Variants in CECR2 observed in about 807,000 individuals in gnomAD.
The protein encoded by CECR2 is CECR2 histone acetyl-lysine reader.
CECR2 carries 30 observed loss-of-function variants against 154.5 expected under a neutral mutation model. The ratio of observed to expected loss-of-function variants is 0.19; its 90% confidence interval spans 0.15 to 0.26. The LOEUF is 0.26. Ranked by LOEUF, CECR2 falls within the 10% of genes least tolerant of loss-of-function variation. The probability of loss-of-function intolerance (pLI) is 1.00; values close to 1 mark genes in which losing one functional copy is unlikely to be tolerated. For missense variants in CECR2, 1,743 were observed against 1,829.3 expected (o/e 0.95, Z 0.86); for synonymous variants, 725 against 683.7 (o/e 1.06, Z -0.94).
At chr22:17,451,862 AAG>A (rs769290754) in intron 1 of CECR2, among the ~76,000 whole-genome samples, 2 of 152,234 alleles carry the variant, frequency 1.3e-5, no homozygotes, top group Non-Finnish European at 2.9e-5. Flanking sequence ...TTCAAAGAAA[AAG>A]AGTAAGATAA....
intron 7 of CECR2, among the ~76,000 whole-genome samples, chr22:17,510,288 T>C (rs2055919873): frequency 6.6e-6 from 1 of 152,084 alleles, no homozygotes; most frequent in Non-Finnish European, 1.5e-5. Context: ...CCTGATAAGT[T>C]TTTACTGTAC....
rs770624477 is a variant in CECR2 at position 17,548,940 on chromosome 22, C to T, written c.3653C>T (p.Pro1218Leu). 2.5e-6 allele frequency: 4 copies of T among 1,613,766 alleles called. No homozygotes were observed. The East Asian group carries it at 8.9e-5, about 36-fold the overall frequency. Residue 1218 changes from proline (P) to leucine (L), a missense_variant, in exon 17 of 19, where the codon CCC becomes CTC. Pro to Leu is a moderately conservative substitution (Grantham distance 98). This residue lies in a region of CECR2 where 1,250 missense variants were observed against 1,192.1 expected (regional missense o/e 1.05). Transcript: ENST00000262608. ...TCTGACTGGCAGAGACCTCTCCATCCCCAGGGAAGCCCAAGCGGACCCCCA... is the reference window on the plus strand; with the variant it reads ...TCTGACTGGCAGAGACCTCTCCATCTCCAGGGAAGCCCAAGCGGACCCCCA... ...SFSDWQRPLH[P>L]QGSPSGPPAS...
chr22:17,519,979 CAG>C (rs2056128433), intron 8 of CECR2, among the ~76,000 whole-genome samples: 1 of 151,830 alleles, frequency 6.6e-6, no homozygotes, highest in Admixed American at 6.6e-5. Flanking sequence ...TTAGTAAAGA[CAG>C]AGTTTCACCA....
intron 1 of CECR2, among the ~76,000 whole-genome samples, chr22:17,430,964 C>G (rs958319331): frequency 6.6e-6 from 1 of 152,186 alleles, no homozygotes; most frequent in African/African-American, 2.4e-5. Flanking sequence ...AGTGCCTCGT[C>G]TGTGAGTGCC....
At chr22:17,383,496 A>T (rs965495991) in intron 1 of CECR2, among the ~76,000 whole-genome samples, 1 of 152,148 alleles carries the variant, frequency 6.6e-6, no homozygotes, top group African/African-American at 2.4e-5. Flanking sequence ...ACCAGGAATA[A>T]TACATTGTGC....
intron 2 of CECR2, among the ~76,000 whole-genome samples, chr22:17,482,917 G>A (rs2055353655): frequency 1.3e-5 from 2 of 152,128 alleles, no homozygotes; most frequent in Admixed American, 6.5e-5. Flanking sequence ...TCCTGACCTC[G>A]TGATCCTCCC....
rs745937699 is a variant in CECR2, at chr22:17,549,602, A to G, written c.4277+38A>G. On this transcript the variant is annotated intron_variant, in intron 17 of 18. Coordinates refer to ENST00000262608, the MANE Select transcript of CECR2 (RefSeq NM_001290047.2). ...TCAGGCTTTTCCCCCTAAAGAGAGA[A>G]CAGATGTTTATTTTATGTATTTATT... 8 of 1,431,852 alleles carry G rather than the reference A, an allele frequency of 5.6e-6. No individual in the cohort carries two copies. The African/African-American group carries it at 7.2e-5, about 13-fold the overall frequency. 88.7% of individuals were successfully genotyped at this position (1,431,852 alleles called of 1,614,324 possible). A position where few individuals can be genotyped will look rare whatever the true frequency, so the allele number is the denominator to read the frequency against.
chr22:17,454,036 A>T (rs1052911856), intron 1 of CECR2, among the ~76,000 whole-genome samples: 1 of 152,228 alleles, frequency 6.6e-6, no homozygotes, highest in African/African-American at 2.4e-5. Context: ...CCAGCACTGT[A>T]CACTCAGAAG....
intron 1 of CECR2, among the ~76,000 whole-genome samples, chr22:17,466,389 C>G (rs1345419360): frequency 2.0e-5 from 3 of 152,162 alleles, no homozygotes; most frequent in African/African-American, 7.2e-5. Context: ...TTAGAAGAAA[C>G]TTTCTAAGCA....
intron 1 of CECR2, among the ~76,000 whole-genome samples, chr22:17,405,717 G>T (rs1601299840): frequency 1.3e-5 from 2 of 148,178 alleles, no homozygotes; most frequent in South Asian, 4.3e-4. Flanking sequence ...TATTACTCTT[G>T]TATCTGTAAC....
chr22:17,498,664 T>G (rs1472476715), intron 3 of CECR2, among the ~76,000 whole-genome samples: 1 of 151,972 alleles, frequency 6.6e-6, no homozygotes, highest in African/African-American at 2.4e-5. Context: ...TCAGCTGGAG[T>G]GAGAGGTCAC....
At chr22:17,365,370 C>T (rs961563750), upstream of CECR2, among the ~76,000 whole-genome samples, 1 of 152,136 alleles carries the variant, frequency 6.6e-6, no homozygotes, top group African/African-American at 2.4e-5. Flanking sequence ...TTGGAAATAA[C>T]AGTGTATTTC....
At chr22:17,480,419 T>TACATACAC (rs1555915304) in intron 2 of CECR2, among the ~76,000 whole-genome samples, 5 of 137,340 alleles carry the variant, frequency 3.6e-5, no homozygotes, top group African/African-American at 5.4e-5. Context: ...TCATGTATAA[T>TACATACAC]ACACACACAC....
intron 1 of CECR2, among the ~76,000 whole-genome samples, chr22:17,415,798 T>C (rs1024504650): frequency 3.3e-5 from 5 of 152,234 alleles, no homozygotes; most frequent in Admixed American, 1.3e-4. Context: ...TTATCTGTTC[T>C]TTACTTTCAT....
intron 1 of CECR2, among the ~76,000 whole-genome samples, chr22:17,459,156 C>A (rs1326346048): frequency 1.3e-5 from 2 of 152,194 alleles, no homozygotes; most frequent in Non-Finnish European, 2.9e-5. Context: ...TTTTAGTTGT[C>A]CGTTGCATAT....
At chr22:17,538,812 A>G (rs2056476527) in intron 12 of CECR2, 81 bp downstream of exon 12, 6 of 1,338,554 alleles carry the variant, frequency 4.5e-6, no homozygotes, top group East Asian at 4.7e-5. Flanking sequence ...TGTTAAATAT[A>G]TATATATTTT....
intron 1 of CECR2, among the ~76,000 whole-genome samples, chr22:17,469,830 C>G (rs2055094876): frequency 6.6e-6 from 1 of 152,192 alleles, no homozygotes; most frequent in Non-Finnish European, 1.5e-5. Flanking sequence ...TTTCAGCTGG[C>G]CTTTCAGCTA....
intron 1 of CECR2, among the ~76,000 whole-genome samples, chr22:17,462,502 A>G (rs1242692973): frequency 6.6e-6 from 1 of 152,224 alleles, no homozygotes; most frequent in Admixed American, 6.5e-5. Context: ...GGAGGCTTCT[A>G]CACGAAAGCA....
intron 1 of CECR2, among the ~76,000 whole-genome samples, chr22:17,472,024 A>G (rs1193683411): frequency 6.6e-6 from 1 of 152,120 alleles, no homozygotes; most frequent in Non-Finnish European, 1.5e-5. Context: ...GGGAGGAGCT[A>G]TTTTGGTTTC....
Sources: gnomAD v4.1 joint callset for allele counts (sites outside exome capture counted in the v4.1 genomes callset) on GRCh38, gnomAD v4.1.1 for gene constraint, gnomAD v4.1.1 regional missense constraint, MANE v1.5 for transcripts, NCBI Gene and HGNC (gene_info 2026-07-23, HGNC 2026-07-21) for gene names.